NRXN1: variants seen among roughly 807,000 people sequenced by gnomAD.
The protein encoded by NRXN1 is neurexin 1.
NRXN1 carries 39 observed loss-of-function variants against 150.9 expected under a neutral mutation model. That is an observed-to-expected ratio of 0.26 (90% CI 0.20 to 0.34). The LOEUF (loss-of-function observed/expected upper bound fraction) is 0.34. Ranked by LOEUF, NRXN1 falls within the 10% of genes least tolerant of loss-of-function variation. The probability of loss-of-function intolerance (pLI) is 1.00; values close to 1 mark genes in which losing one functional copy is unlikely to be tolerated. For missense variants in NRXN1, 1,815 were observed against 1,949.9 expected (o/e 0.93, Z 1.30); for synonymous variants, 924 against 757.0 (o/e 1.22, Z -3.62).
chr2:50,798,906 T>A (rs1707208451), intron 5 of NRXN1, among the ~76,000 whole-genome samples: 1 of 152,148 alleles, frequency 6.6e-6, no homozygotes, highest in Non-Finnish European at 1.5e-5. Flanking sequence ...GCACTTGAGT[T>A]ATTGGCAGCA....
At chr2:50,328,179 A>G (rs2076510769) in intron 17 of NRXN1, among the ~76,000 whole-genome samples, 1 of 152,016 alleles carries the variant, frequency 6.6e-6, no homozygotes, top group South Asian at 2.1e-4. Context: ...CACATTCGTA[A>G]ACTTCCTTAA....
At chr2:50,082,450 CTGCTATT>C (rs1317106216) in intron 19 of NRXN1, among the ~76,000 whole-genome samples, 1 of 152,144 alleles carries the variant, frequency 6.6e-6, no homozygotes, top group Non-Finnish European at 1.5e-5. Context: ...TTATGAAGGG[CTGCTATT>C]TGTATATTAC....
intron 5 of NRXN1, among the ~76,000 whole-genome samples, chr2:50,855,693 C>A (rs1360252476): frequency 6.6e-6 from 1 of 151,916 alleles, no homozygotes; most frequent in Non-Finnish European, 1.5e-5. Flanking sequence ...TTTTTTTCTA[C>A]TTTAAACAAA....
chr2:50,862,592 G>A (rs572930621), intron 5 of NRXN1, among the ~76,000 whole-genome samples: 1 of 152,126 alleles, frequency 6.6e-6, no homozygotes, highest in Admixed American at 6.6e-5. Context: ...TGCAACGCTG[G>A]GCAAGATAAC....
At chr2:50,129,158 T>C (rs916522369) in intron 18 of NRXN1, among the ~76,000 whole-genome samples, 14 of 152,136 alleles carry the variant, frequency 9.2e-5, no homozygotes, top group Admixed American at 5.9e-4. Flanking sequence ...GAAATTATCC[T>C]ATCTGAATAC....
At chr2:50,838,436 C>G (rs897951933) in intron 5 of NRXN1, among the ~76,000 whole-genome samples, 2 of 151,984 alleles carry the variant, frequency 1.3e-5, no homozygotes, top group Admixed American at 1.3e-4. Context: ...CATGTAGGAC[C>G]TAAAAGAATT....
chr2:50,552,888 G>A lies in NRXN1; in HGVS notation c.1458C>T (p.Thr486=), dbSNP rs1436919545. 1 of 1,613,876 alleles carries A rather than the reference G, an allele frequency of 6.2e-7. No homozygotes were observed. The highest frequency in any genetic ancestry group is 1.3e-5 in the African/African-American group (1 of 75,018). ...VATLDPITFE[T]PESFISLPKW... is the part of the protein sequence containing the mutation. ...TAGGCAAAGAGATGAAAGACTCTGG[G>A]GTTTCAAAGGTGATTGGGTCTAAAG... The change falls in exon 9 of 23, where the codon ACC becomes ACT. Residue 486 remains threonine (T), a synonymous_variant. Transcript: ENST00000401669.
chr2:50,761,994 C>T (rs950556182), intron 5 of NRXN1, among the ~76,000 whole-genome samples: 1 of 151,830 alleles, frequency 6.6e-6, no homozygotes, highest in East Asian at 2.0e-4. Flanking sequence ...GGCTTCCCTG[C>T]TTTTGAGGTT....
At chr2:50,320,225 T>A (rs1489302451) in intron 17 of NRXN1, among the ~76,000 whole-genome samples, 3 of 144,102 alleles carry the variant, frequency 2.1e-5, no homozygotes, top group Non-Finnish European at 4.5e-5. Flanking sequence ...TTTTTCTTAT[T>A]TTATCAGATA....
At chr2:50,488,285 C>A (rs2091018446) in intron 15 of NRXN1, among the ~76,000 whole-genome samples, 1 of 152,196 alleles carries the variant, frequency 6.6e-6, no homozygotes, top group South Asian at 2.1e-4. Context: ...CAACCTGGCA[C>A]AGGGAGGACA....
intron 21 of NRXN1, among the ~76,000 whole-genome samples, chr2:49,954,039 A>T (rs987719911): frequency 2.0e-5 from 3 of 152,132 alleles, no homozygotes; most frequent in African/African-American, 7.2e-5. Context: ...AATTATTATT[A>T]TAACTAATAA....
At chr2:50,349,654 C>G (rs999515089) in intron 17 of NRXN1, among the ~76,000 whole-genome samples, 7 of 152,172 alleles carry the variant, frequency 4.6e-5, no homozygotes, top group African/African-American at 1.7e-4. Context: ...ATGTTTCTAT[C>G]TTTCCTAACA....
chr2:50,671,093 A>G (rs1401568668), intron 5 of NRXN1, among the ~76,000 whole-genome samples: 1 of 151,726 alleles, frequency 6.6e-6, no homozygotes, highest in Non-Finnish European at 1.5e-5. Flanking sequence ...CTTTTTTGTA[A>G]TTCAAAATGT....
chr2:50,910,801 T>C (rs1223607908), intron 5 of NRXN1, among the ~76,000 whole-genome samples: 4 of 151,938 alleles, frequency 2.6e-5, no homozygotes, highest in Non-Finnish European at 5.9e-5. Context: ...TGCTAACAGC[T>C]AATCTTTGAC....
At chr2:50,647,414 A>T (rs750977878) in intron 5 of NRXN1, among the ~76,000 whole-genome samples, 5 of 151,970 alleles carry the variant, frequency 3.3e-5, no homozygotes, top group Admixed American at 1.3e-4. Flanking sequence ...AAAATCAGTG[A>T]TCAATACATC....
intron 2 of NRXN1, among the ~76,000 whole-genome samples, chr2:50,953,074 T>C (rs1007174834): frequency 6.6e-6 from 1 of 152,166 alleles, no homozygotes; most frequent in Non-Finnish European, 1.5e-5. Flanking sequence ...AATGGGAGAC[T>C]GAATGGGAGA....
chr2:50,983,623 A>C (rs1372452813), intron 2 of NRXN1, among the ~76,000 whole-genome samples: 1 of 152,156 alleles, frequency 6.6e-6, no homozygotes. Context: ...TTATTTGCCT[A>C]CATACACATA....
At chr2:50,485,740 C>A (rs1013210263) in intron 15 of NRXN1, among the ~76,000 whole-genome samples, 4 of 152,204 alleles carry the variant, frequency 2.6e-5, no homozygotes, top group African/African-American at 9.6e-5. Flanking sequence ...TCCCCCTACA[C>A]AGGGATTAAG....
chr2:50,308,081 G>T (rs773630029), intron 17 of NRXN1, among the ~76,000 whole-genome samples: 15 of 152,096 alleles, frequency 9.9e-5, no homozygotes, highest in Non-Finnish European at 1.9e-4. Context: ...ACCAGTTACG[G>T]TTACCTTTTT....
Sources: gnomAD v4.1 joint callset for allele counts (sites outside exome capture counted in the v4.1 genomes callset) on GRCh38, gnomAD v4.1.1 for gene constraint, MANE v1.5 for transcripts, NCBI Gene and HGNC (gene_info 2026-07-23, HGNC 2026-07-21) for gene names.